ADGRA3: variants seen among roughly 807,000 people sequenced by gnomAD.
ADGRA3 encodes adhesion G protein-coupled receptor A3.
A neutral mutation model predicts 119.8 loss-of-function variants in ADGRA3; 56 were observed. That is an observed-to-expected ratio of 0.47 (90% CI 0.38 to 0.58). The LOEUF is 0.58. Among genes scored for constraint, ADGRA3 ranks in the 20% least tolerant of loss-of-function variants. The probability of loss-of-function intolerance (pLI) is 0.00; values close to 1 mark genes in which losing one functional copy is unlikely to be tolerated. For missense variants in ADGRA3, 1,516 were observed against 1,649.0 expected, an observed-to-expected ratio of 0.92 and a Z score of 1.40; for synonymous variants, 607 against 623.8, an observed-to-expected ratio of 0.97 and a Z score of 0.40.
chr4:22,491,621 G>A (rs1380662819), intron 1 of ADGRA3, among the ~76,000 whole-genome samples: 1 of 152,042 alleles, frequency 6.6e-6, no homozygotes, highest in Non-Finnish European at 1.5e-5. Context: ...TGATCATCCC[G>A]TACTGCCTTC....
At chr4:22,456,368 T>C (rs943851548) in intron 3 of ADGRA3, among the ~76,000 whole-genome samples, 3 of 152,086 alleles carry the variant, frequency 2.0e-5, no homozygotes, top group Admixed American at 6.6e-5. Context: ...GCCCTCAGTA[T>C]GGGTGGGCAC....
intron 1 of ADGRA3, among the ~76,000 whole-genome samples, chr4:22,499,600 G>C (rs574027633): frequency 4.6e-5 from 7 of 152,128 alleles, no homozygotes; most frequent in African/African-American, 1.7e-4. Context: ...TCCCAAAAAT[G>C]CATCTACTCC....
At chr4:22,464,539 C>G (rs1717583887) in intron 2 of ADGRA3, among the ~76,000 whole-genome samples, 1 of 152,168 alleles carries the variant, frequency 6.6e-6, no homozygotes, top group South Asian at 2.1e-4. Context: ...GATAAGTTCC[C>G]TGCTGTGAAT....
At chr4:22,509,709 T>TC (rs1719375073) in intron 1 of ADGRA3, among the ~76,000 whole-genome samples, 1 of 151,388 alleles carries the variant, frequency 6.6e-6, no homozygotes, top group South Asian at 2.1e-4. Flanking sequence ...CAGGTGTTCC[T>TC]CATAGATAAG....
intron 1 of ADGRA3, among the ~76,000 whole-genome samples, chr4:22,489,476 T>C (rs1718548567): frequency 6.6e-6 from 1 of 152,100 alleles, no homozygotes; most frequent in Non-Finnish European, 1.5e-5. Flanking sequence ...ACATGTATGT[T>C]TCCCCACAAC....
chr4:22,405,395 C>CATTAATGGGGCATG, intron 14 of ADGRA3, among the ~76,000 whole-genome samples: 1 of 151,700 alleles, frequency 6.6e-6, no homozygotes, highest in African/African-American at 2.4e-5. Context: ...AAAATAAAAA[C>CATTAATGGGGCATG]ATTAATGGGG....
At chr4:22,511,376 C>G (rs1719440788) in intron 1 of ADGRA3, among the ~76,000 whole-genome samples, 1 of 152,138 alleles carries the variant, frequency 6.6e-6, no homozygotes, top group Non-Finnish European at 1.5e-5. Context: ...ATACAAAAGT[C>G]TACCTGAGAC....
intron 1 of ADGRA3, among the ~76,000 whole-genome samples, chr4:22,481,212 T>C (rs1718250570): frequency 6.6e-6 from 1 of 152,184 alleles, no homozygotes; most frequent in Non-Finnish European, 1.5e-5. Context: ...GGCTAGATTT[T>C]GGGCCAGGTG....
At chr4:22,460,223 T>C (rs1420588572) in intron 3 of ADGRA3, among the ~76,000 whole-genome samples, 6 of 152,202 alleles carry the variant, frequency 3.9e-5, no homozygotes, top group Admixed American at 3.3e-4. Context: ...AGCGCCTGTG[T>C]GTGCGTTCAG....
chr4:22,395,028 T>G (rs186735645), intron 16 of ADGRA3, among the ~76,000 whole-genome samples: 213 of 152,322 alleles, frequency 1.4e-3, no homozygotes, highest in African/African-American at 4.9e-3. Flanking sequence ...AATACAACCT[T>G]GCTATCACAT....
chr4:22,447,380 T>C, intron 5 of ADGRA3, 60 bp downstream of exon 5: 1 of 1,050,718 alleles, frequency 9.5e-7, no homozygotes, highest in Non-Finnish European at 1.4e-6. Context: ...ATAAATGTTT[T>C]TAATTTTCAA....
rs1440656843 is a variant in ADGRA3 at position 22,388,279 on chromosome 4, G to A, written c.3392C>T (p.Pro1131Leu). 1 of 1,613,966 alleles carries A rather than the reference G, an allele frequency of 6.2e-7. No individual in the cohort carries two copies. Among genetic ancestry groups the A allele is most frequent in the African/African-American group, 1.3e-5 (1 of 74,902 alleles). The part of the protein sequence containing the change: ...AAAQCHANSL[P>L]LNSTPQLDNS... Reference sequence around the variant, plus strand: ...ATCAAGCTGAGGGGTGGAGTTCAAAGGTAAAGAATTGGCATGGCACTGAGC... The same window carrying A: ...ATCAAGCTGAGGGGTGGAGTTCAAAAGTAAAGAATTGGCATGGCACTGAGC... Residue 1131 changes from proline (P) to leucine (L), a missense_variant, in exon 19 of 19, where the codon CCT becomes CTT. This residue lies in a region of ADGRA3 where 1,088 missense variants were observed against 1,107.1 expected (regional missense o/e 0.98). Transcript: ENST00000334304.
Position 22,388,420 on chromosome 4 carries a change from C to CGGA in ADGRA3, c.3250_3251insTCC (p.Gly1084delinsValArg). ...GCTATTGGGGCATTTGGGTGCCTCT[C>CGGA]CATTCGTCCCATTAGAGTTGGGGGG... On this transcript the variant is annotated protein_altering_variant, in exon 19 of 19. Coordinates refer to ENST00000334304, the MANE Select transcript of ADGRA3 (RefSeq NM_145290.4). 1 of 1,614,056 alleles carries CGGA rather than the reference C, an allele frequency of 6.2e-7. No homozygotes were observed. Among genetic ancestry groups the CGGA allele is most frequent in the Non-Finnish European group, 8.5e-7 (1 of 1,179,994 alleles).
chr4:22,410,950 T>G (rs1214973809), intron 14 of ADGRA3, among the ~76,000 whole-genome samples: 3 of 152,154 alleles, frequency 2.0e-5, no homozygotes, highest in Admixed American at 6.5e-5. Context: ...TTTTAAGAGA[T>G]TAAAAGTCTG....
At chr4:22,495,182 A>AGGG (rs1166922674) in intron 1 of ADGRA3, among the ~76,000 whole-genome samples, 1 of 151,998 alleles carries the variant, frequency 6.6e-6, no homozygotes, top group African/African-American at 2.4e-5. Context: ...GGTAGCAGAG[A>AGGG]CAGCATGGAT....
chr4:22,506,446 G>A (rs140631991), intron 1 of ADGRA3, among the ~76,000 whole-genome samples: 2 of 152,188 alleles, frequency 1.3e-5, no homozygotes, highest in African/African-American at 2.4e-5. Flanking sequence ...CCAGCTACTC[G>A]GGAAGCTGAG....
intron 2 of ADGRA3, among the ~76,000 whole-genome samples, chr4:22,471,370 TA>T (rs1415359078): frequency 6.6e-6 from 1 of 152,112 alleles, no homozygotes; most frequent in Non-Finnish European, 1.5e-5. Flanking sequence ...GTACTGGGCT[TA>T]ATACCTGAGT....
chr4:22,403,062 G>T (rs527597584), intron 14 of ADGRA3, among the ~76,000 whole-genome samples: 108 of 152,192 alleles, frequency 7.1e-4, no homozygotes, highest in Non-Finnish European at 1.2e-3. Context: ...TCTGCTATGA[G>T]GGTAAAAGAG....
At chr4:22,406,790 G>GT (rs762228104) in intron 14 of ADGRA3, among the ~76,000 whole-genome samples, 6 of 152,086 alleles carry the variant, frequency 3.9e-5, no homozygotes, top group Admixed American at 6.5e-5. Flanking sequence ...GGGCCAGATA[G>GT]TAAACATTGT....
Sources: gnomAD v4.1 joint callset for allele counts (sites outside exome capture counted in the v4.1 genomes callset) on GRCh38, gnomAD v4.1.1 for gene constraint, gnomAD v4.1.1 regional missense constraint, MANE v1.5 for transcripts, NCBI Gene and HGNC (gene_info 2026-07-23, HGNC 2026-07-21) for gene names.